Variants in GPR63 observed in about 807,000 individuals in gnomAD.
GPR63 encodes G protein-coupled receptor 63.
A neutral mutation model predicts 23.1 loss-of-function variants in GPR63; 12 were observed. The ratio of observed to expected loss-of-function variants is 0.52; its 90% CI spans 0.33 to 0.84. The LOEUF is 0.84. Among genes scored for constraint, GPR63 ranks in the 40% least tolerant of loss-of-function variants. The pLI is 0.02. For missense variants in GPR63, 472 were observed against 515.6 expected, an observed-to-expected ratio of 0.92 and a Z score of 0.82; for synonymous variants, 172 against 191.1, an observed-to-expected ratio of 0.90 and a Z score of 0.82.
intron 1 of GPR63, among the ~76,000 whole-genome samples, chr6:96,804,244 T>C (rs905531739): frequency 5.3e-5 from 8 of 152,184 alleles, no homozygotes; most frequent in Admixed American, 5.2e-4. Context: ...AGTGCTTTAT[T>C]TTATTTTTTT....
At chr6:96,812,269 C>T (rs997060356) in intron 1 of GPR63, among the ~76,000 whole-genome samples, 9 of 152,176 alleles carry the variant, frequency 5.9e-5, no homozygotes, top group Middle Eastern at 3.4e-3. Context: ...TAATGATGTT[C>T]CATTCCTAAC....
In GPR63 at chr6:96,825,490, TA is replaced by T. The variant is rs997415526; in HGVS notation, c.-151+11777del. ...TGATATGGAGTGTCTTCTACCTACT[TA>T]AAAAAAATAGCTACTAGAGGGACTG... On this transcript the variant is annotated intron_variant, in intron 1 of 1. Transcript: ENST00000229955. Among the ~76,000 whole-genome samples, 4 of 151,842 alleles carry T rather than the reference TA, an allele frequency of 2.6e-5. No individual in the cohort carries two copies. The East Asian group carries it at 5.8e-4, about 22-fold the overall frequency.
At chr6:96,812,414 G>A (rs1039570516) in intron 1 of GPR63, among the ~76,000 whole-genome samples, 17 of 152,058 alleles carry the variant, frequency 1.1e-4, no homozygotes, top group Non-Finnish European at 2.2e-4. Flanking sequence ...TTGCCTTCCT[G>A]TTACTTTTCC....
At chr6:96,827,293 CA>C (rs1173315147) in intron 1 of GPR63, among the ~76,000 whole-genome samples, 1 of 151,946 alleles carries the variant, frequency 6.6e-6, no homozygotes, top group African/African-American at 2.4e-5. Context: ...GCGTATTAGA[CA>C]TAGTTGAAGT....
In GPR63 at chr6:96,798,887, C is replaced by A; in HGVS notation, c.845G>T (p.Gly282Val). 1 of 1,614,150 alleles carries A rather than the reference C, an allele frequency of 6.2e-7. No individual in the cohort carries two copies. The highest frequency in any genetic ancestry group is 2.2e-5 in the East Asian group (1 of 44,884). The stretch of plus-strand genomic sequence containing the variant: ...TTTGCTGGCCTGGCTGAGGCATATA[C>A]CTTCAGGGTAGCTATGGATCCTCAA... The part of the protein sequence containing the change: ...NALRIHSYPE[G>V]ICLSQASKLG... Residue 282 changes from glycine to valine, a missense_variant, in exon 2 of 2, where the codon GGT becomes GTT. Coordinates refer to ENST00000229955, the MANE Select transcript of GPR63 (RefSeq NM_030784.4).
intron 1 of GPR63, among the ~76,000 whole-genome samples, chr6:96,810,648 C>G (rs1774019532): frequency 6.6e-6 from 1 of 151,636 alleles, no homozygotes; most frequent in East Asian, 1.9e-4. Context: ...AATTAACATG[C>G]AGAATGACGT....
At chr6:96,830,757 G>C (rs1427695195) in intron 1 of GPR63, among the ~76,000 whole-genome samples, 1 of 152,138 alleles carries the variant, frequency 6.6e-6, no homozygotes, top group Non-Finnish European at 1.5e-5. Context: ...AAAAATAAAA[G>C]GGAGAATTTC....
intron 1 of GPR63, among the ~76,000 whole-genome samples, chr6:96,815,207 A>C (rs1774133528): frequency 6.6e-6 from 1 of 152,224 alleles, no homozygotes; most frequent in Non-Finnish European, 1.5e-5. Flanking sequence ...AAGCCAAGAC[A>C]TATAATTCTC....
At chr6:96,825,212 G>A (rs1033259246) in intron 1 of GPR63, among the ~76,000 whole-genome samples, 16 of 151,992 alleles carry the variant, frequency 1.1e-4, no homozygotes, top group African/African-American at 2.9e-4. Flanking sequence ...CAATTAGGGC[G>A]GGAACCACTG....
At chr6:96,820,858 A>C (rs1256413234) in intron 1 of GPR63, among the ~76,000 whole-genome samples, 2 of 152,208 alleles carry the variant, frequency 1.3e-5, no homozygotes, top group African/African-American at 4.8e-5. Context: ...TAGTTTATCT[A>C]ATCAAAACTA....
chr6:96,814,478 G>A (rs11967774), intron 1 of GPR63, among the ~76,000 whole-genome samples: 39,880 of 151,926 alleles, frequency 0.26, 5,337 homozygotes, highest in South Asian at 0.31. Flanking sequence ...CAGAAGTTAT[G>A]TTCCCCATTT....
intron 1 of GPR63, among the ~76,000 whole-genome samples, chr6:96,820,717 C>T (rs9632495): frequency 0.08 from 12,193 of 151,994 alleles, 835 homozygotes; most frequent in African/African-American, 0.19. Flanking sequence ...CTGGGTAGAG[C>T]TCAGCATGCC....
intron 1 of GPR63, among the ~76,000 whole-genome samples, chr6:96,808,282 T>C (rs1470821709): frequency 1.3e-5 from 2 of 152,292 alleles, no homozygotes; most frequent in East Asian, 1.9e-4. Context: ...TAAATATGCA[T>C]GAAAAATACA....
intron 1 of GPR63, among the ~76,000 whole-genome samples, chr6:96,804,595 C>T (rs1458908632): frequency 6.6e-6 from 1 of 151,936 alleles, no homozygotes; most frequent in Admixed American, 6.6e-5. Flanking sequence ...ATCATCAAAC[C>T]CTGTCCCAAT....
In GPR63 at chr6:96,795,275, GCTT is replaced by G. The variant is rs1773553226; in HGVS notation, c.*3194_*3196del. The G allele has an allele frequency of 6.6e-6, 1 of 152,152 alleles. No homozygotes were observed. Among genetic ancestry groups the G allele is most frequent in the African/African-American group, 2.4e-5 (1 of 41,514 alleles). 9.4% of individuals were successfully genotyped at this position (152,152 alleles called of 1,614,324 possible). A position where few individuals can be genotyped will look rare whatever the true frequency, so the allele number is the denominator to read the frequency against. ...ACAAATATTTCATTATCTCTTTTAC[GCTT>G]CTTACTAGCCAGAAGGAAAAACAGG... On this transcript the variant is annotated 3_prime_UTR_variant, in exon 2 of 2. Coordinates refer to ENST00000229955, the MANE Select transcript of GPR63 (RefSeq NM_030784.4).
At position 96,825,320 on chromosome 6, in the gene GPR63, G is replaced by GA. The variant is rs926679279; in HGVS notation, c.-151+11947dup. ...TATTTATTACACTGGAATTGAGCAG[G>GA]AAAAAAATCAGACTTGAACATAGGG... On this transcript the variant is annotated intron_variant, in intron 1 of 1. Transcript: ENST00000229955. Among the ~76,000 whole-genome samples, 5 of 151,984 alleles carry GA rather than the reference G, an allele frequency of 3.3e-5. No homozygotes were observed. In the South Asian group the frequency reaches 6.2e-4, roughly 19 times the overall value.
chr6:96,833,445 T>C (rs1449227761), intron 1 of GPR63, among the ~76,000 whole-genome samples: 1 of 152,170 alleles, frequency 6.6e-6, no homozygotes, highest in Non-Finnish European at 1.5e-5. Context: ...TACCTACGCA[T>C]TTGTTTTTGT....
chr6:96,825,813 C>T (rs946346347), intron 1 of GPR63, among the ~76,000 whole-genome samples: 29 of 151,504 alleles, frequency 1.9e-4, no homozygotes, highest in African/African-American at 7.0e-4. Flanking sequence ...TTTATTTATT[C>T]AGCTTCATTT....
At chr6:96,833,879 G>A (rs767455649) in intron 1 of GPR63, among the ~76,000 whole-genome samples, 32 of 152,056 alleles carry the variant, frequency 2.1e-4, no homozygotes, top group Admixed American at 1.0e-3. Flanking sequence ...CAAAGGAAAT[G>A]CTGATAATAA....
Sources: allele counts gnomAD v4.1 joint callset (sites outside exome capture counted in the v4.1 genomes callset), GRCh38; gene constraint gnomAD v4.1.1; transcripts MANE v1.5; gene names NCBI Gene and HGNC (gene_info 2026-07-23, HGNC 2026-07-21).